ERO1B: variants seen among roughly 807,000 people sequenced by gnomAD.
ERO1B encodes the protein ERO1-like protein beta.
A neutral mutation model predicts 75.3 loss-of-function variants in ERO1B; 49 were observed. That is an observed-to-expected ratio of 0.65 (90% CI 0.52 to 0.83). The LOEUF is 0.83. Among genes scored for constraint, ERO1B ranks in the 40% least tolerant of loss-of-function variants. The pLI is 0.00. For synonymous variants in ERO1B, 191 were observed against 192.9 expected (o/e 0.99, Z 0.08); for missense variants, 512 against 560.1 (o/e 0.91, Z 0.87).
rs755315774 is a variant in ERO1B at position 236,225,081 on chromosome 1, T to G, written c.1111A>C (p.Lys371Gln). Residue 371 changes from lysine to glutamine, a missense_variant, in exon 13 of 16, where the codon AAG (lysine) becomes CAG (glutamine). Transcript: ENST00000354619. ...CGAGAACTTTTTACCTTTAGTGACT[T>G]GGCCCCTTTTTTGTCACCTGCAAAC... ...SMFAGDKKGA[K>Q]SLKEEFRLHF... is the part of the protein sequence containing the mutation. 1.2e-6 allele frequency: 2 copies of G among 1,613,762 alleles called. No individual in the cohort carries two copies. Among genetic ancestry groups the G allele is most frequent in the Admixed American group, 3.3e-5 (2 of 60,006 alleles).
intron 13 of ERO1B, among the ~76,000 whole-genome samples, chr1:236,223,151 A>C (rs1749559): frequency 6.7e-6 from 1 of 148,190 alleles, no homozygotes; most frequent in Non-Finnish European, 1.5e-5. Context: ...GCAGTGAGCC[A>C]AGATCGCACC....
intron 4 of ERO1B, chr1:236,251,537 T>A: frequency 1.2e-6 from 1 of 845,050 alleles, no homozygotes; most frequent in Non-Finnish European, 1.4e-6. Flanking sequence ...GAGGGTATGA[T>A]GATCTTTATT....
At chr1:236,243,234 AATGT>A in intron 6 of ERO1B, among the ~76,000 whole-genome samples, 184 bp downstream of exon 6, 1 of 152,332 alleles carries the variant, frequency 6.6e-6, no homozygotes, top group African/African-American at 2.4e-5. Context: ...GACCAGAAAT[AATGT>A]ATTTAAGGCA....
Position 236,249,950 on chromosome 1 carries a change from G to C in ERO1B, c.366C>G (p.Asn122Lys). The C allele has an allele frequency of 3.1e-6, 5 of 1,599,952 alleles. No individual in the cohort carries two copies. Among genetic ancestry groups the C allele is most frequent in the Non-Finnish European group, 4.3e-6 (5 of 1,174,516 alleles). The change falls in exon 5 of 16, where the codon AAC becomes AAG. Residue 122 changes from asparagine to lysine, a missense_variant. By Grantham distance (94) the Asn-to-Lys change is moderately conservative. Transcript: ENST00000354619. ...CACAATCTTCTAATTCTTTGGTATT[G>C]TTTGCCATTTTCAAGTACTGCAAAG... The part of the protein sequence containing the change: ...GHSNKYLKMA[N>K]NTKELEDCEQ...
chr1:236,230,518 A>G (rs1292086163), intron 9 of ERO1B, among the ~76,000 whole-genome samples: 1 of 148,024 alleles, frequency 6.8e-6, no homozygotes, highest in Non-Finnish European at 1.5e-5. Flanking sequence ...AGGATGAGGC[A>G]GGAGAATTGC....
rs924591627 is a variant in ERO1B at position 236,249,746 on chromosome 1, A to C, written c.431+139T>G. 1.7e-5 allele frequency: 10 copies of C among 578,572 alleles called. No homozygotes were observed. In the African/African-American group the frequency reaches 1.9e-4, roughly 11 times the overall value. 35.8% of individuals were successfully genotyped at this position (578,572 alleles called of 1,614,324 possible). On this transcript the variant is annotated intron_variant, in intron 5 of 15. Coordinates refer to ENST00000354619, the MANE Select transcript of ERO1B (RefSeq NM_019891.4). ...GCAAAGCTATTATGAAATTTAGGAT[A>C]AAGAAAAACTTTTTCTTCCTTTTAA... is the stretch of plus-strand genomic sequence containing the variant.
intron 2 of ERO1B, among the ~76,000 whole-genome samples, chr1:236,258,663 G>A (rs1665222440): frequency 6.6e-6 from 1 of 152,286 alleles, no homozygotes; most frequent in East Asian, 1.9e-4. Context: ...GAAGCGGGTG[G>A]ATCACTTGAG....
Position 236,218,293 on chromosome 1 carries a change from A to G in ERO1B, c.*223T>C, listed in dbSNP as rs1664047892. On this transcript the variant is annotated 3_prime_UTR_variant, in exon 16 of 16. Coordinates refer to ENST00000354619, the MANE Select transcript of ERO1B (RefSeq NM_019891.4). ...GAAAACATATGAAATTAAACACAAAATTAGTATAACTTACATGTTTTAAAA... is the reference window on the plus strand; with the variant it reads ...GAAAACATATGAAATTAAACACAAAGTTAGTATAACTTACATGTTTTAAAA... 1 of 259,528 alleles carries G rather than the reference A, an allele frequency of 3.9e-6. No homozygotes were observed. Among genetic ancestry groups the G allele is most frequent in the Non-Finnish European group, 6.9e-6 (1 of 144,596 alleles). The allele number at this position is 259,528 out of a possible 1,614,324, so 16.1% of individuals were successfully genotyped here.
At chr1:236,244,214 A>C (rs1220802681) in intron 5 of ERO1B, among the ~76,000 whole-genome samples, 12 of 152,188 alleles carry the variant, frequency 7.9e-5, no homozygotes, top group Non-Finnish European at 1.8e-4. Context: ...CATAACACAA[A>C]AGGAAAAAAC....
chr1:236,280,734 G>C (rs17566480), intron 1 of ERO1B, among the ~76,000 whole-genome samples: 14,205 of 152,164 alleles, frequency 0.093, 952 homozygotes, highest in Non-Finnish European at 0.13. Context: ...ATTTTTCTTG[G>C]ATGAGCACTA....
At chr1:236,246,536 T>C (rs1334586082) in intron 5 of ERO1B, among the ~76,000 whole-genome samples, 1 of 152,186 alleles carries the variant, frequency 6.6e-6, no homozygotes, top group Non-Finnish European at 1.5e-5. Flanking sequence ...AATGGAAACA[T>C]GGCACATTCT....
At chr1:236,259,595 T>C (rs1665245120) in intron 2 of ERO1B, among the ~76,000 whole-genome samples, 1 of 152,208 alleles carries the variant, frequency 6.6e-6, no homozygotes. Context: ...GCTATCCATA[T>C]GTCAGACAAA....
chr1:236,271,525 G>A (rs1437569066), intron 1 of ERO1B, among the ~76,000 whole-genome samples: 8 of 152,022 alleles, frequency 5.3e-5, no homozygotes, highest in Non-Finnish European at 7.4e-5. Flanking sequence ...ACAAGACTGC[G>A]AGTTCTATTT....
chr1:236,256,589 G>A (rs573286082), intron 2 of ERO1B, among the ~76,000 whole-genome samples: 1 of 152,298 alleles, frequency 6.6e-6, no homozygotes, highest in South Asian at 2.1e-4. Flanking sequence ...CCTTTCTCCT[G>A]GCATGCTTCA....
At position 236,225,156 on chromosome 1, in the gene ERO1B, A is replaced by T; in HGVS notation, c.1053-17T>A. 1.2e-6 allele frequency: 2 copies of T among 1,612,938 alleles called. No individual in the cohort carries two copies. Among genetic ancestry groups the T allele is most frequent in the Non-Finnish European group, 1.7e-6 (2 of 1,178,960 alleles). ...GGAAAGGACCTGATAAAATGATAGT[A>T]TTGGATTAAGTTACACATGAAAAAT... On this transcript the variant is annotated splice_polypyrimidine_tract_variant and intron_variant, in intron 12 of 15. Coordinates refer to ENST00000354619, the MANE Select transcript of ERO1B (RefSeq NM_019891.4).
At chr1:236,247,877 T>C (rs769228849) in intron 5 of ERO1B, among the ~76,000 whole-genome samples, 1 of 151,698 alleles carries the variant, frequency 6.6e-6, no homozygotes, top group Non-Finnish European at 1.5e-5. Context: ...CCAACCATAG[T>C]AAGACTCATG....
At chr1:236,224,574 GA>G (rs1187935373) in intron 13 of ERO1B, among the ~76,000 whole-genome samples, 1 of 151,904 alleles carries the variant, frequency 6.6e-6, no homozygotes, top group Non-Finnish European at 1.5e-5. Flanking sequence ...CACCTAACAT[GA>G]AGTTTGGTAA....
At chr1:236,238,256 G>T (rs998446472) in intron 6 of ERO1B, among the ~76,000 whole-genome samples, 1 of 152,092 alleles carries the variant, frequency 6.6e-6, no homozygotes, top group Non-Finnish European at 1.5e-5. Context: ...AAAAAGCAAG[G>T]CAAGGAAAAC....
At chr1:236,235,641 G>C (rs1664520951) in intron 8 of ERO1B, 148 bp downstream of exon 8, 1 of 660,514 alleles carries the variant, frequency 1.5e-6, no homozygotes, top group Non-Finnish European at 2.5e-6. Flanking sequence ...GAGATCTCGA[G>C]ACTCGACTAT....
Sources: gnomAD v4.1 joint callset for allele counts (sites outside exome capture counted in the v4.1 genomes callset) on GRCh38, gnomAD v4.1.1 for gene constraint, MANE v1.5 for transcripts, NCBI Gene and HGNC (gene_info 2026-07-23, HGNC 2026-07-21) for gene names.